Variants in RHOJ observed in about 807,000 individuals in gnomAD.
RHOJ encodes rho-related GTP-binding protein RhoJ.
In RHOJ, 11 loss-of-function variants were observed where a neutral mutation model predicts 23.4. The ratio of observed to expected loss-of-function variants is 0.47; its 90% confidence interval spans 0.30 to 0.78. RHOJ has a LOEUF of 0.78. Among genes scored for constraint, RHOJ ranks in the 30% least tolerant of loss-of-function variants. The probability of loss-of-function intolerance (pLI) is 0.08; values close to 1 mark genes in which losing one functional copy is unlikely to be tolerated. For missense variants in RHOJ, 254 were observed against 273.4 expected, an observed-to-expected ratio of 0.93 and a Z score of 0.50; for synonymous variants, 102 against 102.7, an observed-to-expected ratio of 0.99 and a Z score of 0.04.
intron 1 of RHOJ, among the ~76,000 whole-genome samples, chr14:63,222,433 T>G (rs1271790004): frequency 1.3e-5 from 2 of 152,188 alleles, no homozygotes; most frequent in African/African-American, 4.8e-5. Flanking sequence ...TAGTTTACAG[T>G]CCCACCAACA....
chr14:63,237,651 C>T (rs1178617719), intron 1 of RHOJ, among the ~76,000 whole-genome samples: 1 of 152,232 alleles, frequency 6.6e-6, no homozygotes, highest in Non-Finnish European at 1.5e-5. Flanking sequence ...GCAATTTCGT[C>T]TTCTGGTTTT....
At chr14:63,269,193 T>C (rs371606417) in intron 2 of RHOJ, 25 bp downstream of exon 2, 7 of 1,576,458 alleles carry the variant, frequency 4.4e-6, no homozygotes, top group South Asian at 3.3e-5. Flanking sequence ...TCTTGATTCA[T>C]TGGAGGGCGG....
intron 1 of RHOJ, among the ~76,000 whole-genome samples, chr14:63,239,304 G>A (rs1383823091): frequency 6.6e-6 from 1 of 152,018 alleles, no homozygotes; most frequent in Non-Finnish European, 1.5e-5. Flanking sequence ...TAGAGACGGG[G>A]TTTCGCCATG....
Position 63,212,167 on chromosome 14 carries a change from A to G in RHOJ, c.178+7120A>G, listed in dbSNP as rs546476700. On this transcript the variant is annotated intron_variant, in intron 1 of 4. Coordinates refer to ENST00000316754, the MANE Select transcript of RHOJ (RefSeq NM_020663.5). ...AAACAGCATGGAGAAACTTGAATGG[A>G]AAGTTTTATGGGCCAGGCCTGGAAG... Among the ~76,000 whole-genome samples the G allele has an allele frequency of 2.0e-5, 3 of 152,288 alleles. No individual in the cohort carries two copies. The South Asian group carries it at 6.2e-4, about 32-fold the overall frequency.
intron 1 of RHOJ, among the ~76,000 whole-genome samples, chr14:63,239,223 T>C (rs758279476): frequency 6.6e-6 from 1 of 152,202 alleles, no homozygotes; most frequent in Non-Finnish European, 1.5e-5. Context: ...GCGATTCTCC[T>C]GCTTCAGCCT....
intron 1 of RHOJ, among the ~76,000 whole-genome samples, chr14:63,266,377 T>C (rs1895367275): frequency 6.6e-6 from 1 of 152,206 alleles, no homozygotes; most frequent in Non-Finnish European, 1.5e-5. Flanking sequence ...CTTCCCATCA[T>C]AGCCTGAACT....
chr14:63,285,709 TC>T (rs1178020013), intron 4 of RHOJ, among the ~76,000 whole-genome samples: 1 of 152,170 alleles, frequency 6.6e-6, no homozygotes, highest in Non-Finnish European at 1.5e-5. Context: ...CTTTTCCCAT[TC>T]TTTTACACAT....
Position 63,261,723 on chromosome 14 carries a change from G to A in RHOJ, c.179-7387G>A, listed in dbSNP as rs147370304. On this transcript the variant is annotated intron_variant, in intron 1 of 4. Transcript: ENST00000316754. ...CCCAAAGTGCTGCAATTACAGGCAT[G>A]AGCCACTGCACTTAGCCTAACATTG... Among the ~76,000 whole-genome samples, 312 of 152,060 alleles carry A rather than the reference G, an allele frequency of 2.1e-3. 1 individual carries two copies. Among genetic ancestry groups the A allele is most frequent in the Non-Finnish European group, 3.1e-3 (212 of 68,006 alleles).
At chr14:63,226,004 A>G (rs766479533) in intron 1 of RHOJ, among the ~76,000 whole-genome samples, 1 of 152,178 alleles carries the variant, frequency 6.6e-6, no homozygotes, top group African/African-American at 2.4e-5. Context: ...ATGTAAAAAA[A>G]CTGCCCAACC....
chr14:63,288,370 A>G (rs549578141), intron 4 of RHOJ: 2 of 982,726 alleles, frequency 2.0e-6, no homozygotes, highest in African/African-American at 3.5e-5. Flanking sequence ...AATCAATCCT[A>G]GGCTTGGGAT....
At chr14:63,262,551 C>T (rs1009826358) in intron 1 of RHOJ, among the ~76,000 whole-genome samples, 3 of 152,188 alleles carry the variant, frequency 2.0e-5, no homozygotes, top group Non-Finnish European at 2.9e-5. Context: ...CTCTTTAAAA[C>T]CTCTCTAAGC....
In RHOJ at chr14:63,292,442, T is replaced by G. The variant is rs1186980618; in HGVS notation, c.*1418T>G. On this transcript the variant is annotated 3_prime_UTR_variant, in exon 5 of 5. Coordinates refer to ENST00000316754, the MANE Select transcript of RHOJ (RefSeq NM_020663.5). ...GAGCGAATTACTTCCTATCTTTTCA[T>G]TAGAGGCTATGAGGACTTCTAATTA... The G allele has an allele frequency of 6.6e-6, 1 of 152,228 alleles. No homozygotes were observed. The highest frequency in any genetic ancestry group is 2.4e-5 in the African/African-American group (1 of 41,468). The allele number at this position is 152,228 out of a possible 1,614,324, so 9.4% of individuals were successfully genotyped here.
chr14:63,232,197 A>G (rs1045474902), intron 1 of RHOJ, among the ~76,000 whole-genome samples: 1 of 152,190 alleles, frequency 6.6e-6, no homozygotes, highest in African/African-American at 2.4e-5. Context: ...CACAGCCGCC[A>G]CCCTCAAGTG....
chr14:63,262,412 CAA>C (rs1305960832), intron 1 of RHOJ, among the ~76,000 whole-genome samples: 4 of 152,160 alleles, frequency 2.6e-5, no homozygotes, highest in Non-Finnish European at 5.9e-5. Flanking sequence ...AGAAGAAAGA[CAA>C]GAGAGTAAAG....
intron 1 of RHOJ, among the ~76,000 whole-genome samples, chr14:63,217,443 G>C (rs1894389511): frequency 6.6e-6 from 1 of 152,064 alleles, no homozygotes; most frequent in South Asian, 2.1e-4. Context: ...ATGGGGAAAG[G>C]ATTCCCTATT....
intron 1 of RHOJ, among the ~76,000 whole-genome samples, chr14:63,233,493 G>A (rs770088098): frequency 1.3e-5 from 2 of 152,198 alleles, no homozygotes; most frequent in African/African-American, 4.8e-5. Flanking sequence ...AGTAAAGACA[G>A]TAATATGATG....
intron 1 of RHOJ, among the ~76,000 whole-genome samples, chr14:63,247,462 GA>G (rs952378175): frequency 6.6e-6 from 1 of 151,530 alleles, no homozygotes; most frequent in Admixed American, 6.6e-5. Flanking sequence ...GTGAGTAGGT[GA>G]AAAAAAATAT....
At chr14:63,226,450 C>A (rs928905216) in intron 1 of RHOJ, among the ~76,000 whole-genome samples, 1 of 151,470 alleles carries the variant, frequency 6.6e-6, no homozygotes, top group East Asian at 1.9e-4. Context: ...GTAGAAAACA[C>A]ATTAAGGGTT....
chr14:63,227,701 G>T (rs1227973620), intron 1 of RHOJ, among the ~76,000 whole-genome samples: 3 of 152,188 alleles, frequency 2.0e-5, no homozygotes, highest in African/African-American at 7.2e-5. Flanking sequence ...ATGCAAAGGG[G>T]ACTTTCGCAG....
Sources: allele counts gnomAD v4.1 joint callset (sites outside exome capture counted in the v4.1 genomes callset), GRCh38; gene constraint gnomAD v4.1.1; transcripts MANE v1.5; gene names NCBI Gene and HGNC (gene_info 2026-07-23, HGNC 2026-07-21).